The following ATF3 variants were observed in gnomAD, a reference collection of about 807,000 sequenced individuals.
ATF3 encodes cyclic AMP-dependent transcription factor ATF-3.
ATF3 carries 10 observed loss-of-function variants against 18.4 expected under a neutral mutation model. The ratio of observed to expected loss-of-function variants is 0.54; its 90% CI spans 0.34 to 0.92. The LOEUF (loss-of-function observed/expected upper bound fraction) is 0.92. ATF3 is among the 40% of genes least tolerant of loss of function. ATF3 has a pLI of 0.02. For synonymous variants in ATF3, 78 were observed against 87.9 expected (o/e 0.89, Z 0.63); for missense variants, 183 against 222.3 (o/e 0.82, Z 1.12).
chr1:212,618,880 C>A lies in ATF3; in HGVS notation c.349-478C>A. On this transcript the variant is annotated intron_variant, in intron 3 of 3. Coordinates refer to ENST00000341491, the MANE Select transcript of ATF3 (RefSeq NM_001674.4). The surrounding 1 kb of genome is among the most constrained non-coding windows in gnomAD (Gnocchi z 4.4). ...GACAGGCCATGACAGAGTCTTAGCC[C>A]AAGTCCCACAGATCCCCAAAAGTTC... The A allele has an allele frequency of 1.2e-6, 1 of 853,198 alleles. No homozygotes were observed. Among genetic ancestry groups the A allele is most frequent in the Non-Finnish European group, 1.9e-6 (1 of 532,888 alleles). 52.9% of individuals were successfully genotyped at this position (853,198 alleles called of 1,614,324 possible).
intron 1 of ATF3, among the ~76,000 whole-genome samples, chr1:212,567,195 G>A (rs546122273): frequency 2.0e-5 from 3 of 151,290 alleles, no homozygotes; most frequent in South Asian, 2.1e-4. Flanking sequence ...GCACTGAGAC[G>A]TTCAGAGGTT....
chr1:212,613,114 AT>A lies in ATF3; in HGVS notation c.-4-1900del, dbSNP rs568277970. Among the ~76,000 whole-genome samples, 75 of 152,292 alleles carry A rather than the reference AT, an allele frequency of 4.9e-4. 1 individual carries two copies. In the South Asian group the frequency reaches 0.016, roughly 32 times the overall value. On this transcript the variant is annotated intron_variant, in intron 1 of 3. Transcript: ENST00000341491. ...TTCATCTTCTGACCTCAGTCTGGGA[AT>A]TTTGTGGATAAGAGACCCACTTGCT...
At chr1:212,573,308 A>G (rs571269599) in intron 1 of ATF3, among the ~76,000 whole-genome samples, 1 of 152,078 alleles carries the variant, frequency 6.6e-6, no homozygotes, top group Non-Finnish European at 1.5e-5. Flanking sequence ...TTATTTTTTA[A>G]TAGGGACCAG....
intron 1 of ATF3, among the ~76,000 whole-genome samples, chr1:212,570,282 C>T (rs1190751924): frequency 9.9e-5 from 15 of 152,014 alleles, no homozygotes; most frequent in Non-Finnish European, 1.6e-4. Context: ...ACTTTTTCCA[C>T]TTAGAACTTT....
chr1:212,618,570 A>C lies in ATF3; in HGVS notation c.348+336A>C, dbSNP rs1237564694. On this transcript the variant is annotated intron_variant, in intron 3 of 3. Coordinates refer to ENST00000341491, the MANE Select transcript of ATF3 (RefSeq NM_001674.4). The surrounding 1 kb of genome is among the most constrained non-coding windows in gnomAD (Gnocchi z 4.4). Reference sequence around the variant, plus strand: ...CTTCACTTGACTGTTTTCCTGAGAAAAGGAAGCTGCCAGCTCTCATTTGGC... The same window carrying C: ...CTTCACTTGACTGTTTTCCTGAGAACAGGAAGCTGCCAGCTCTCATTTGGC... 7.3e-6 allele frequency: 3 copies of C among 408,946 alleles called. No individual in the cohort carries two copies. Among genetic ancestry groups the C allele is most frequent in the African/African-American group, 4.0e-5 (2 of 49,676 alleles). 25.3% of individuals were successfully genotyped at this position (408,946 alleles called of 1,614,324 possible).
At chr1:212,584,424 T>C (rs1664741831) in intron 1 of ATF3, among the ~76,000 whole-genome samples, 1 of 152,082 alleles carries the variant, frequency 6.6e-6, no homozygotes, top group Non-Finnish European at 1.5e-5. Flanking sequence ...AGTTCCAGTC[T>C]GAGGCTGGGA....
At chr1:212,589,151 C>T (rs1438853516) in intron 1 of ATF3, among the ~76,000 whole-genome samples, 1 of 152,086 alleles carries the variant, frequency 6.6e-6, no homozygotes, top group Non-Finnish European at 1.5e-5. Context: ...GAAATGTGAT[C>T]CTAGCACACT....
chr1:212,599,675 C>T (rs920449398), intron 1 of ATF3, among the ~76,000 whole-genome samples: 2 of 152,102 alleles, frequency 1.3e-5, no homozygotes, highest in Non-Finnish European at 2.9e-5. Context: ...CCCGAAATGC[C>T]CTTATTAGTC....
chr1:212,597,443 C>CTATCTATCTATCTATT (rs1654320649), intron 1 of ATF3, among the ~76,000 whole-genome samples: 1 of 151,994 alleles, frequency 6.6e-6, no homozygotes, highest in Non-Finnish European at 1.5e-5. Flanking sequence ...ATCTATCTAT[C>CTATCTATCTATCTATT]TATCTATCAT....
upstream of ATF3, among the ~76,000 whole-genome samples, chr1:212,606,096 G>C (rs548129583): frequency 6.6e-6 from 1 of 152,180 alleles, no homozygotes; most frequent in Non-Finnish European, 1.5e-5. Flanking sequence ...AGGATGCAAA[G>C]GACTCAGATG....
chr1:212,598,250 GTTGT>G (rs1558233359), intron 1 of ATF3, among the ~76,000 whole-genome samples: 1 of 151,952 alleles, frequency 6.6e-6, no homozygotes, highest in Non-Finnish European at 1.5e-5. Context: ...TACGTATTTT[GTTGT>G]TTATTTATAG....
intron 1 of ATF3, among the ~76,000 whole-genome samples, chr1:212,589,802 C>CTTTT (rs35586185): frequency 7.0e-6 from 1 of 143,198 alleles, no homozygotes. Context: ...TCTTGGTCAA[C>CTTTT]TTTTTTTTTT....
At chr1:212,597,364 A>G (rs946003752) in intron 1 of ATF3, among the ~76,000 whole-genome samples, 3 of 152,216 alleles carry the variant, frequency 2.0e-5, no homozygotes, top group Non-Finnish European at 4.4e-5. Context: ...TTATAATAAT[A>G]GAAGCTCCCA....
chr1:212,606,185 T>C (rs188995358), upstream of ATF3, among the ~76,000 whole-genome samples: 3 of 152,302 alleles, frequency 2.0e-5, no homozygotes, highest in East Asian at 5.8e-4. Context: ...TCAGCAGGCA[T>C]TTCACGGTTC....
chr1:212,616,812 G>A (rs1655149196), intron 2 of ATF3, among the ~76,000 whole-genome samples: 1 of 152,152 alleles, frequency 6.6e-6, no homozygotes, highest in Admixed American at 6.5e-5. Context: ...TGGATGTGGG[G>A]TGTAAGAGAA....
Position 212,620,178 on chromosome 1 carries a change from G to T in ATF3, c.*623G>T, listed in dbSNP as rs142921239. 1.7e-3 allele frequency: 257 copies of T among 154,954 alleles called. 3 individuals are homozygous for T. Among genetic ancestry groups the T allele is most frequent in the East Asian group, 3.8e-3 (20 of 5,260 alleles). 9.6% of individuals were successfully genotyped at this position (154,954 alleles called of 1,614,324 possible). ...TTTTGGGGGGCGGGGCTGTCACCAC[G>T]TGCAGTATCTCAAGATATTCAGGTG... On this transcript the variant is annotated 3_prime_UTR_variant, in exon 4 of 4. Coordinates refer to ENST00000341491, the MANE Select transcript of ATF3 (RefSeq NM_001674.4).
chr1:212,606,859 G>A (rs1558236006), upstream of ATF3, among the ~76,000 whole-genome samples: 1 of 152,234 alleles, frequency 6.6e-6, no homozygotes, highest in African/African-American at 2.4e-5. Flanking sequence ...TTACCTGCGC[G>A]CACTCCAGCG....
chr1:212,594,241 C>T (rs1372244937), intron 1 of ATF3, among the ~76,000 whole-genome samples: 2 of 152,252 alleles, frequency 1.3e-5, no homozygotes, highest in Non-Finnish European at 2.9e-5. Context: ...GGCTAAGACA[C>T]ATTCCAGGTA....
chr1:212,599,556 T>G (rs1558233707), intron 1 of ATF3, among the ~76,000 whole-genome samples: 1 of 152,176 alleles, frequency 6.6e-6, no homozygotes, highest in Non-Finnish European at 1.5e-5. Flanking sequence ...CTCTTCTTCC[T>G]CCCTCTCTCT....
Sources: gnomAD v4.1 joint callset for allele counts (sites outside exome capture counted in the v4.1 genomes callset) on GRCh38, gnomAD v4.1.1 for gene constraint, Gnocchi (gnomAD v3.1) non-coding constraint, MANE v1.5 for transcripts, NCBI Gene and HGNC (gene_info 2026-07-23, HGNC 2026-07-21) for gene names.